The following TRIM48 variants were observed in gnomAD, a reference collection of about 807,000 sequenced individuals.
TRIM48 encodes the protein tripartite motif containing 48.
Under a neutral mutation model 29.5 loss-of-function variants are expected in TRIM48, and 31 were observed. That is an observed-to-expected ratio of 1.05 (90% CI 0.79 to 1.42). The LOEUF is 1.42. TRIM48 is among the 40% of genes most tolerant of loss of function. The pLI, the probability that TRIM48 is intolerant of heterozygous loss-of-function variation, is 0.00. For synonymous variants in TRIM48, 128 were observed against 90.6 expected (o/e 1.41, Z -2.34); for missense variants, 344 against 265.0 (o/e 1.30, Z -2.07).
intron 3 of TRIM48, among the ~76,000 whole-genome samples, chr11:55,267,858 G>T (rs1045162524): frequency 1.4e-5 from 2 of 147,856 alleles, no homozygotes; most frequent in Non-Finnish European, 3.0e-5. Flanking sequence ...AAACTTTGTG[G>T]AATGGTCAAG....
In TRIM48 at chr11:55,263,741, G is replaced by C. The variant is rs564436410; in HGVS notation, c.45-1159G>C. Among the ~76,000 whole-genome samples the C allele has an allele frequency of 5.3e-5, 8 of 152,264 alleles. 1 individual carries two copies. The South Asian group carries it at 1.7e-3, about 32-fold the overall frequency. ...TCAAGCTACACATGATTCTACACGAGGGGAATTCATCAGGAAAATTCGTTT... is the reference window on the plus strand; with the variant it reads ...TCAAGCTACACATGATTCTACACGACGGGAATTCATCAGGAAAATTCGTTT... On this transcript the variant is annotated intron_variant, in intron 1 of 5. Coordinates refer to ENST00000417545, the MANE Select transcript of TRIM48 (RefSeq NM_024114.5).
At chr11:55,265,425 C>T (rs1312899845) in intron 2 of TRIM48, 111 bp downstream of exon 2, 15 of 1,518,628 alleles carry the variant, frequency 9.9e-6, no homozygotes, top group Non-Finnish European at 1.2e-5. Flanking sequence ...AAGCAACTCT[C>T]TTTTGGGCTT....
At chr11:55,270,097 C>T (rs947111639) in intron 5 of TRIM48, among the ~76,000 whole-genome samples, 1 of 148,090 alleles carries the variant, frequency 6.8e-6, no homozygotes, top group African/African-American at 2.5e-5. Flanking sequence ...GAATAAGAAA[C>T]ATTTCTAAAT....
rs377189577 is a variant in TRIM48, at chr11:55,269,355, C to T, written c.*1+16C>T. The T allele has an allele frequency of 3.2e-6, 5 of 1,570,054 alleles. No homozygotes were observed. The highest frequency in any genetic ancestry group is 3.4e-6 in the Non-Finnish European group (4 of 1,163,698). ...CAATTCTGAGGTAAGTCTCCACCCA[C>T]AGGCAGCACCCCCACTATCTAAATA... On this transcript the variant is annotated intron_variant, in intron 5 of 5. Coordinates refer to ENST00000417545, the MANE Select transcript of TRIM48 (RefSeq NM_024114.5).
Position 55,270,891 on chromosome 11 carries a change from C to T in TRIM48, c.*456C>T. The T allele has an allele frequency of 1.9e-6, 3 of 1,558,992 alleles. No homozygotes were observed. Among genetic ancestry groups the T allele is most frequent in the African/African-American group, 1.4e-5 (1 of 72,930 alleles). ...CTATATACACCATCCCTAATTGCTCCTTCTCACTTCCTCTCAGACCTATCT... is the reference window on the plus strand; with the variant it reads ...CTATATACACCATCCCTAATTGCTCTTTCTCACTTCCTCTCAGACCTATCT... On this transcript the variant is annotated 3_prime_UTR_variant, in exon 6 of 6. Coordinates refer to ENST00000417545, the MANE Select transcript of TRIM48 (RefSeq NM_024114.5).
At chr11:55,262,404 C>T (rs1461736096) in intron 1 of TRIM48, 93 bp downstream of exon 1, 1 of 854,278 alleles carries the variant, frequency 1.2e-6, no homozygotes, top group African/African-American at 1.7e-5. Context: ...CTTAAATCTA[C>T]ACAATGATAC....
chr11:55,267,243 G>T (rs189792200), intron 3 of TRIM48, among the ~76,000 whole-genome samples: 1 of 147,314 alleles, frequency 6.8e-6, no homozygotes, highest in Non-Finnish European at 1.5e-5. Context: ...CATCTATGTT[G>T]ATCTTTATGC....
chr11:55,264,175 T>C lies in TRIM48; in HGVS notation c.45-725T>C, dbSNP rs187883784. On this transcript the variant is annotated intron_variant, in intron 1 of 5. Transcript: ENST00000417545. Reference sequence around the variant, plus strand: ...ATCCTACTATATGTTAGTTCAGAGTTTGGGTATCCCTAGGAGAAGTTAATT... The same window carrying C: ...ATCCTACTATATGTTAGTTCAGAGTCTGGGTATCCCTAGGAGAAGTTAATT... Among the ~76,000 whole-genome samples the C allele has an allele frequency of 2.1e-4, 32 of 149,080 alleles. 5 individuals carry two copies. In the East Asian group the frequency reaches 4.7e-3, roughly 22 times the overall value.
In TRIM48 at chr11:55,265,577, T is replaced by C. The variant is rs1191167746; in HGVS notation, c.460-23T>C. The C allele has an allele frequency of 2.1e-5, 33 of 1,576,618 alleles. 3 individuals carry two copies. The highest frequency in any genetic ancestry group is 2.7e-5 in the Non-Finnish European group (31 of 1,161,552). On this transcript the variant is annotated intron_variant, in intron 2 of 5. Transcript: ENST00000417545. ...GTTACTTTATTGTCTTCACTGGTGC[T>C]TCAATTTATGGCTCTTTTGCAGGAG...
At position 55,266,177 on chromosome 11, in the gene TRIM48, C is replaced by G. The variant is rs927778757; in HGVS notation, c.555+482C>G. ...CTAGGGCAACCATGAAATTAAGAAT[C>G]CAAACTAATTAATATTGAATAATAC... On this transcript the variant is annotated intron_variant, in intron 3 of 5. Transcript: ENST00000417545. Among the ~76,000 whole-genome samples the G allele has an allele frequency of 2.0e-5, 3 of 147,194 alleles. 1 individual carries two copies. Among genetic ancestry groups the G allele is most frequent in the Non-Finnish European group, 4.5e-5 (3 of 66,836 alleles).
rs1857335440 is a variant in TRIM48 at position 55,263,469 on chromosome 11, A to G, written c.44+1158A>G. Among the ~76,000 whole-genome samples, 4 of 151,946 alleles carry G rather than the reference A, an allele frequency of 2.6e-5. No homozygotes were observed. In the South Asian group the frequency reaches 6.2e-4, roughly 24 times the overall value. On this transcript the variant is annotated intron_variant, in intron 1 of 5. Coordinates refer to ENST00000417545, the MANE Select transcript of TRIM48 (RefSeq NM_024114.5). ...GGAGTTCAAGTCCAGCCTGGCCAACATGGCGAAACCTCATCTCTACTGGAA... is the reference window on the plus strand; with the variant it reads ...GGAGTTCAAGTCCAGCCTGGCCAACGTGGCGAAACCTCATCTCTACTGGAA...
At position 55,265,706 on chromosome 11, in the gene TRIM48, T is replaced by G. The variant is rs147397565; in HGVS notation, c.555+11T>G. On this transcript the variant is annotated intron_variant, in intron 3 of 5. Coordinates refer to ENST00000417545, the MANE Select transcript of TRIM48 (RefSeq NM_024114.5). Reference sequence around the variant, plus strand: ...ATCAGCCACTGGAAGGTTAGTCCTGTAATACCCTACCTTCTCCAGGAACTT... The same window carrying G: ...ATCAGCCACTGGAAGGTTAGTCCTGGAATACCCTACCTTCTCCAGGAACTT... The G allele has an allele frequency of 6.4e-7, 1 of 1,574,740 alleles. No homozygotes were observed. Among genetic ancestry groups the G allele is most frequent in the Admixed American group, 1.7e-5 (1 of 57,676 alleles).
intron 3 of TRIM48, among the ~76,000 whole-genome samples, chr11:55,267,887 A>G (rs1413080996): frequency 1.4e-5 from 2 of 148,058 alleles, no homozygotes; most frequent in African/African-American, 4.9e-5. Context: ...CCCAATAACT[A>G]TTCCCCAACT....
chr11:55,265,986 C>A (rs1229977961), intron 3 of TRIM48, among the ~76,000 whole-genome samples: 1 of 147,340 alleles, frequency 6.8e-6, no homozygotes, highest in Non-Finnish European at 1.5e-5. Context: ...TCACAGCATT[C>A]TATATGTGCT....
intron 1 of TRIM48, among the ~76,000 whole-genome samples, chr11:55,263,926 C>A (rs1229611645): frequency 6.6e-6 from 1 of 152,096 alleles, no homozygotes; most frequent in Non-Finnish European, 1.5e-5. Flanking sequence ...TTCCTTTTAT[C>A]TGAGCTACAA....
At position 55,265,258 on chromosome 11, in the gene TRIM48, C is replaced by T; in HGVS notation, c.403C>T (p.Gln135Ter). The T allele has an allele frequency of 1.3e-6, 2 of 1,582,538 alleles. 1 individual carries two copies. Among genetic ancestry groups the T allele is most frequent in the East Asian group, 4.8e-5 (2 of 41,362 alleles). The change falls in exon 2 of 6, where the codon CAG becomes TAG. Residue 135 changes from glutamine to a stop codon, truncating the protein, a stop_gained. Coordinates refer to ENST00000417545, the MANE Select transcript of TRIM48 (RefSeq NM_024114.5). LOFTEE classifies it high-confidence loss of function. ...SLLCLLCSSS[Q>*]EHRYHRHCPA... ...GCTCTGTTTGCTGTGCTCCAGCTCT[C>T]AGGAGCACCGGTATCACAGACACTG...
Position 55,265,634 on chromosome 11 carries a change from A to G in TRIM48, c.494A>G (p.Glu165Gly), listed in dbSNP as rs7129272. The G allele has an allele frequency of 0.058, 92,054 of 1,579,344 alleles. 9,678 individuals carry two copies. The highest frequency in any genetic ancestry group is 0.066 in the Non-Finnish European group (76,744 of 1,163,172). The change falls in exon 3 of 6, where the codon GAA (glutamate) becomes GGA (glycine). Residue 165 changes from glutamate to glycine, a missense_variant. Glu to Gly is a moderately conservative substitution (Grantham distance 98). Coordinates refer to ENST00000417545, the MANE Select transcript of TRIM48 (RefSeq NM_024114.5). ...TTAAAGAAAATGCAGTCTTTATGGGAAAAAGCTTGTGAAAATCAGAGAAAC... is the reference window on the plus strand; with the variant it reads ...TTAAAGAAAATGCAGTCTTTATGGGGAAAAGCTTGTGAAAATCAGAGAAAC... ...KLLKKMQSLW[E>G]KACENQRNLN...
intron 5 of TRIM48, among the ~76,000 whole-genome samples, 186 bp from the exon 6 acceptor site, chr11:55,270,251 G>T (rs570494867): frequency 2.0e-5 from 3 of 147,944 alleles, no homozygotes; most frequent in African/African-American, 4.9e-5. Context: ...TTAGCATTTT[G>T]TTTGTCTTGT....
Position 55,270,994 on chromosome 11 carries a change from C to A in TRIM48, c.*559C>A. 3 of 1,539,328 alleles carry A rather than the reference C, an allele frequency of 1.9e-6. No homozygotes were observed. The Admixed American group carries it at 5.4e-5, about 28-fold the overall frequency. The stretch of plus-strand genomic sequence containing the variant: ...GTGGGAACCCCTTTATCCCAGAAAG[C>A]CCTCTTCCTTGTGCCTTATCAAACA... On this transcript the variant is annotated 3_prime_UTR_variant, in exon 6 of 6. Transcript: ENST00000417545.
Sources: allele counts gnomAD v4.1 joint callset (sites outside exome capture counted in the v4.1 genomes callset), GRCh38; gene constraint gnomAD v4.1.1; transcripts MANE v1.5; gene names NCBI Gene and HGNC (gene_info 2026-07-23, HGNC 2026-07-21).